CFAP54: variants seen among roughly 807,000 people sequenced by gnomAD.
CFAP54 encodes the protein cilia- and flagella-associated protein 54.
A neutral mutation model predicts 370.4 loss-of-function variants in CFAP54; 290 were observed. The observed-to-expected ratio is 0.78, with a 90% CI of 0.71 to 0.86. CFAP54 has a LOEUF of 0.86. CFAP54 is among the 40% of genes least tolerant of loss of function. The pLI, the probability that CFAP54 is intolerant of heterozygous loss-of-function variation, is 0.00. For missense variants in CFAP54, 3,399 were observed against 3,528.7 expected (o/e 0.96, Z 0.93); for synonymous variants, 1,206 against 1,236.5 (o/e 0.98, Z 0.52).
intron 58 of CFAP54, among the ~76,000 whole-genome samples, chr12:96,761,638 C>G (rs553135131): frequency 1.3e-5 from 2 of 152,050 alleles, no homozygotes; most frequent in South Asian, 2.1e-4. Flanking sequence ...AGTCTGTGAT[C>G]CATTTTGAGT....
chr12:96,517,973 A>T (rs937140941), intron 5 of CFAP54, among the ~76,000 whole-genome samples: 1 of 152,234 alleles, frequency 6.6e-6, no homozygotes, highest in Non-Finnish European at 1.5e-5. Flanking sequence ...TCTGGAAGAC[A>T]TGAGGACCAA....
intron 66 of CFAP54, among the ~76,000 whole-genome samples, chr12:96,851,786 C>T (rs1051770175): frequency 6.6e-6 from 1 of 151,984 alleles, no homozygotes; most frequent in African/African-American, 2.4e-5. Context: ...ATTTAAAAAA[C>T]CTTCCTGTCT....
intron 26 of CFAP54, among the ~76,000 whole-genome samples, chr12:96,614,849 T>G (rs1236580117): frequency 6.6e-6 from 1 of 151,936 alleles, no homozygotes; most frequent in Non-Finnish European, 1.5e-5. Flanking sequence ...CACTGCTCAA[T>G]GAAATAAAAG....
intron 4 of CFAP54, among the ~76,000 whole-genome samples, chr12:96,510,689 G>A (rs775954843): frequency 2.0e-5 from 3 of 152,044 alleles, no homozygotes; most frequent in African/African-American, 4.8e-5. Flanking sequence ...GAAGAGTAGA[G>A]GCCAGGAATG....
chr12:96,743,683 A>G lies in CFAP54; in HGVS notation c.7378-48A>G, dbSNP rs534118367. The G allele has an allele frequency of 1.2e-5, 19 of 1,548,266 alleles. 1 individual carries two copies. The highest frequency in any genetic ancestry group is 3.5e-4 in the Middle Eastern group (2 of 5,784). ...AATTAACATGTCCAGCTCTTGTTTC[A>G]GTGAATTGGAAACAGTACTATCAAA... On this transcript the variant is annotated intron_variant, in intron 53 of 67. Coordinates refer to ENST00000524981, the MANE Select transcript of CFAP54 (RefSeq NM_001306084.2).
intron 6 of CFAP54, among the ~76,000 whole-genome samples, chr12:96,519,442 A>G (rs1955278964): frequency 6.6e-6 from 1 of 152,068 alleles, no homozygotes; most frequent in Admixed American, 6.6e-5. Flanking sequence ...TCTTCCTTAG[A>G]TGCCTGCCAG....
At chr12:96,831,689 C>G (rs191775514) in intron 66 of CFAP54, among the ~76,000 whole-genome samples, 1 of 152,284 alleles carries the variant, frequency 6.6e-6, no homozygotes, top group African/African-American at 2.4e-5. Context: ...TTCCCATTAG[C>G]TCATTAGCTT....
At chr12:96,733,035 A>C (rs1206100300) in intron 50 of CFAP54, among the ~76,000 whole-genome samples, 1 of 152,212 alleles carries the variant, frequency 6.6e-6, no homozygotes, top group Non-Finnish European at 1.5e-5. Flanking sequence ...AAAAATTACA[A>C]AATGGCCATA....
intron 55 of CFAP54, among the ~76,000 whole-genome samples, chr12:96,745,219 G>C (rs1396374790): frequency 6.6e-6 from 1 of 152,122 alleles, no homozygotes; most frequent in Non-Finnish European, 1.5e-5. Context: ...TTAGATTGCT[G>C]GGTCAAATGG....
At chr12:96,786,581 T>C (rs1958631454) in intron 61 of CFAP54, 94 bp from the exon 62 acceptor site, 1 of 871,190 alleles carries the variant, frequency 1.1e-6, no homozygotes, top group African/African-American at 1.7e-5. Context: ...GGTGGGAATA[T>C]GTAACGATAG....
chr12:96,616,639 T>C (rs1956422293), intron 26 of CFAP54, among the ~76,000 whole-genome samples: 1 of 152,244 alleles, frequency 6.6e-6, no homozygotes, highest in South Asian at 2.1e-4. Context: ...CATAGGATTA[T>C]TAACGTTAAT....
intron 32 of CFAP54, among the ~76,000 whole-genome samples, chr12:96,637,121 G>A (rs762140610): frequency 6.6e-6 from 1 of 152,148 alleles, no homozygotes; most frequent in Non-Finnish European, 1.5e-5. Context: ...TGCCTATTCC[G>A]GCTGTTTCAC....
chr12:96,542,131 C>T (rs903918072), intron 14 of CFAP54, among the ~76,000 whole-genome samples: 9 of 152,156 alleles, frequency 5.9e-5, no homozygotes, highest in Admixed American at 5.2e-4. Context: ...TGGAGGACTT[C>T]GTAATAAAGT....
Position 96,720,532 on chromosome 12 carries a change from C to T in CFAP54, c.6932C>T (p.Ala2311Val). Residue 2311 changes from alanine to valine, a missense_variant, in exon 50 of 68, where the codon GCA becomes GTA. Physicochemically the swap from Ala to Val is moderately conservative, Grantham distance 64. Around this residue, in one of 3 missense-constraint regions of CFAP54, gnomAD observed 2,796 missense variants for 2,869.7 expected, o/e 0.97. Coordinates refer to ENST00000524981, the MANE Select transcript of CFAP54 (RefSeq NM_001306084.2). ...IVVEARLQLA[A>V]VALQRHRAAY... ...GTGGAGGCCCGGCTTCAGCTGGCTG[C>T]AGTTGCTCTGCAGAGGCACCGGGCG... The T allele has an allele frequency of 6.3e-7, 1 of 1,581,916 alleles. No individual in the cohort carries two copies. Among genetic ancestry groups the T allele is most frequent in the African/African-American group, 1.3e-5 (1 of 74,238 alleles).
intron 29 of CFAP54, among the ~76,000 whole-genome samples, chr12:96,626,231 A>G (rs1956548073): frequency 2.0e-5 from 3 of 151,994 alleles, no homozygotes. Flanking sequence ...TAAAAATACA[A>G]AAATTATCCA....
At chr12:96,596,311 A>G (rs796771029) in intron 25 of CFAP54, among the ~76,000 whole-genome samples, 3 of 152,250 alleles carry the variant, frequency 2.0e-5, no homozygotes, top group African/African-American at 7.2e-5. Context: ...TGGCTAGAGA[A>G]TGGATTATAG....
intron 63 of CFAP54, among the ~76,000 whole-genome samples, chr12:96,793,487 T>A (rs1274200873): frequency 3.9e-5 from 6 of 152,184 alleles, no homozygotes. Context: ...ATTTTTGCAA[T>A]TGTGAATTGT....
At chr12:96,688,872 G>T in intron 42 of CFAP54, 44 bp from the exon 43 acceptor site, 1 of 1,208,080 alleles carries the variant, frequency 8.3e-7, no homozygotes, top group South Asian at 1.4e-5. Flanking sequence ...AAATGTTTTT[G>T]GAAAATTTCT....
At chr12:96,664,789 A>ATCTATATCTATATCTATC (rs1565934561) in intron 39 of CFAP54, among the ~76,000 whole-genome samples, 1 of 17,356 alleles carries the variant, frequency 5.8e-5, no homozygotes, top group East Asian at 2.0e-3. Flanking sequence ...ATATATATAT[A>ATCTATATCTATATCTATC]TATATATATA....
Sources: gnomAD v4.1 joint callset for allele counts (sites outside exome capture counted in the v4.1 genomes callset) on GRCh38, gnomAD v4.1.1 for gene constraint, gnomAD v4.1.1 regional missense constraint, MANE v1.5 for transcripts, NCBI Gene and HGNC (gene_info 2026-07-23, HGNC 2026-07-21) for gene names.